The following ELAPOR1 variants were observed in gnomAD, a reference collection of about 807,000 sequenced individuals.
The protein encoded by ELAPOR1 is endosome/lysosome-associated apoptosis and autophagy regulator 1.
ELAPOR1 carries 77 observed loss-of-function variants against 119.7 expected under a neutral mutation model. That is an observed-to-expected ratio of 0.64 (90% CI 0.54 to 0.78). ELAPOR1 has a LOEUF of 0.78. ELAPOR1 is among the 30% of genes least tolerant of loss of function. ELAPOR1 has a pLI of 0.00. For missense variants in ELAPOR1, 1,115 were observed against 1,270.4 expected (o/e 0.88, Z 1.86); for synonymous variants, 481 against 487.2 (o/e 0.99, Z 0.17).
At chr1:109,187,713 G>A in intron 8 of ELAPOR1, 1 of 908,940 alleles carries the variant, frequency 1.1e-6, no homozygotes, top group Non-Finnish European at 1.3e-6. Context: ...ATAAATAAAA[G>A]AGCAAAGAAT....
chr1:109,132,270 C>T (rs1649198620), intron 1 of ELAPOR1, among the ~76,000 whole-genome samples: 1 of 152,012 alleles, frequency 6.6e-6, no homozygotes, highest in South Asian at 2.1e-4. Flanking sequence ...GCCTCATCTT[C>T]TTGAACAGCT....
intron 9 of ELAPOR1, among the ~76,000 whole-genome samples, chr1:109,188,859 GA>G (rs892594130): frequency 6.6e-6 from 1 of 152,226 alleles, no homozygotes; most frequent in Non-Finnish European, 1.5e-5. Context: ...TGGCATATTG[GA>G]ATGAAGGCTC....
chr1:109,158,103 G>A (rs112374398), intron 1 of ELAPOR1, among the ~76,000 whole-genome samples: 3 of 152,054 alleles, frequency 2.0e-5, no homozygotes, highest in East Asian at 3.9e-4. Flanking sequence ...GGCCAGGCTG[G>A]TCTCAAACTC....
chr1:109,122,535 C>T (rs946039795), intron 1 of ELAPOR1, among the ~76,000 whole-genome samples: 1 of 151,622 alleles, frequency 6.6e-6, no homozygotes, highest in Non-Finnish European at 1.5e-5. Flanking sequence ...GTGGCCCACG[C>T]CTGTAGACCC....
chr1:109,182,113 C>T (rs1414177279), intron 7 of ELAPOR1, among the ~76,000 whole-genome samples: 5 of 152,040 alleles, frequency 3.3e-5, no homozygotes, highest in African/African-American at 9.7e-5. Context: ...AGGCAGATCA[C>T]GAGGTCAGGA....
chr1:109,186,828 T>C (rs1403854622), intron 8 of ELAPOR1: 1 of 985,542 alleles, frequency 1.0e-6, no homozygotes, highest in Non-Finnish European at 1.2e-6. Flanking sequence ...TCTGGGTCAG[T>C]ACCGTGCTTG....
At chr1:109,131,640 G>A (rs1228312076) in intron 1 of ELAPOR1, among the ~76,000 whole-genome samples, 1 of 152,136 alleles carries the variant, frequency 6.6e-6, no homozygotes, top group African/African-American at 2.4e-5. Flanking sequence ...GAGGGAAAGG[G>A]AATAGTCTGT....
intron 15 of ELAPOR1, among the ~76,000 whole-genome samples, 167 bp downstream of exon 15, chr1:109,194,761 T>G (rs1653678987): frequency 6.6e-6 from 1 of 152,214 alleles, no homozygotes; most frequent in South Asian, 2.1e-4. Flanking sequence ...CCCCTAAAAT[T>G]AAATAATCAG....
At chr1:109,183,086 AG>A (rs1652794972) in intron 7 of ELAPOR1, among the ~76,000 whole-genome samples, 1 of 152,120 alleles carries the variant, frequency 6.6e-6, no homozygotes, top group South Asian at 2.1e-4. Context: ...ACTTTCAAAA[AG>A]TTTTTATTTG....
At chr1:109,120,178 G>A (rs575470859) in intron 1 of ELAPOR1, among the ~76,000 whole-genome samples, 113 of 152,124 alleles carry the variant, frequency 7.4e-4, no homozygotes, top group Non-Finnish European at 1.3e-3. Context: ...CAGGCTGATC[G>A]CTTGAGGCCA....
chr1:109,188,131 T>C, intron 8 of ELAPOR1, 46 bp from the exon 9 acceptor site: 1 of 1,557,906 alleles, frequency 6.4e-7, no homozygotes, highest in East Asian at 2.3e-5. Context: ...CCCAAAGATG[T>C]CCTAAATCTC....
intron 1 of ELAPOR1, among the ~76,000 whole-genome samples, chr1:109,120,505 T>C (rs1648334757): frequency 6.6e-6 from 1 of 152,170 alleles, no homozygotes; most frequent in Non-Finnish European, 1.5e-5. Context: ...GAATGGGCCC[T>C]CACCGGACGC....
intron 1 of ELAPOR1, among the ~76,000 whole-genome samples, chr1:109,123,964 A>C (rs1201905444): frequency 6.6e-6 from 1 of 152,028 alleles, no homozygotes; most frequent in African/African-American, 2.4e-5. Context: ...CACCACGCCC[A>C]GCTAATTTTT....
intron 3 of ELAPOR1, among the ~76,000 whole-genome samples, chr1:109,166,101 G>T (rs1481146734): frequency 6.6e-6 from 1 of 152,044 alleles, no homozygotes; most frequent in Non-Finnish European, 1.5e-5. Flanking sequence ...ATTTTTAGTA[G>T]AGATGGGGTT....
chr1:109,130,790 C>G (rs2100979517), intron 1 of ELAPOR1, among the ~76,000 whole-genome samples: 1 of 152,220 alleles, frequency 6.6e-6, no homozygotes, highest in Non-Finnish European at 1.5e-5. Context: ...ATTTTAGTTA[C>G]CTATTGCTTC....
At chr1:109,135,070 T>C (rs1430815293) in intron 1 of ELAPOR1, among the ~76,000 whole-genome samples, 1 of 152,082 alleles carries the variant, frequency 6.6e-6, no homozygotes, top group Non-Finnish European at 1.5e-5. Flanking sequence ...AAGCTAATCT[T>C]TAACTCCACA....
At chr1:109,124,954 A>G (rs1648677287) in intron 1 of ELAPOR1, among the ~76,000 whole-genome samples, 1 of 151,938 alleles carries the variant, frequency 6.6e-6, no homozygotes, top group Non-Finnish European at 1.5e-5. Flanking sequence ...AGAGAGACAG[A>G]ATCTTGCTCT....
rs140855955 is a variant in ELAPOR1 at position 109,141,988 on chromosome 1, G to A, written c.154-19906G>A. On this transcript the variant is annotated intron_variant, in intron 1 of 21. Coordinates refer to ENST00000369939, the MANE Select transcript of ELAPOR1 (RefSeq NM_020775.5). ...CCTATTTTGTTTTCTTTGACATCCA[G>A]AATACATGCTGGAGAGAACTATATT... Among the ~76,000 whole-genome samples the A allele has an allele frequency of 3.2e-3, 493 of 152,146 alleles. 13 individuals carry two copies. Among genetic ancestry groups the A allele is most frequent in the East Asian group, 0.017 (86 of 5,192 alleles).
chr1:109,192,616 G>A lies in ELAPOR1; in HGVS notation c.1689G>A (p.Arg563=), dbSNP rs559832541. 1 of 1,613,900 alleles carries A rather than the reference G, an allele frequency of 6.2e-7. No homozygotes were observed. The highest frequency in any genetic ancestry group is 2.2e-5 in the East Asian group (1 of 44,860). The change falls in exon 14 of 22, where the codon AGG becomes AGA. Residue 563 remains arginine (R), a synonymous_variant. Coordinates refer to ENST00000369939, the MANE Select transcript of ELAPOR1 (RefSeq NM_020775.5). ...FQRTTFHEAS[R]KYTNDVAKIY... ...TCTTGTTTCCTTGTCTCCAGAGCAG[G>A]AAGTACACCAATGACGTTGCCAAGA...
Sources: gnomAD v4.1 joint callset for allele counts (sites outside exome capture counted in the v4.1 genomes callset) on GRCh38, gnomAD v4.1.1 for gene constraint, MANE v1.5 for transcripts, NCBI Gene and HGNC (gene_info 2026-07-23, HGNC 2026-07-21) for gene names.